SLCO3A1: variants seen among roughly 807,000 people sequenced by gnomAD.
The protein encoded by SLCO3A1 is PGE1 transporter.
SLCO3A1 carries 27 observed loss-of-function variants against 63.1 expected under a neutral mutation model. The observed-to-expected ratio is 0.43, with a 90% CI of 0.32 to 0.59. SLCO3A1 has a LOEUF of 0.59. Ranked by LOEUF, SLCO3A1 falls within the 20% of genes least tolerant of loss-of-function variation. The pLI, the probability that SLCO3A1 is intolerant of heterozygous loss-of-function variation, is 0.09. For synonymous variants in SLCO3A1, 473 were observed against 409.9 expected (o/e 1.15, Z -1.86); for missense variants, 773 against 945.8 (o/e 0.82, Z 2.40).
rs928453425 is a variant in SLCO3A1 at position 91,872,586 on chromosome 15, G to T, written c.180+18498G>T. Among the ~76,000 whole-genome samples, 2 of 151,976 alleles carry T rather than the reference G, an allele frequency of 1.3e-5. No homozygotes were observed. The highest frequency in any genetic ancestry group is 2.9e-5 in the Non-Finnish European group (2 of 68,014). ...AAAGAAAGAACGTGCCCAAGCCCAA[G>T]TTGGCACAGCTAGTGTTTGATCTTG... is the stretch of plus-strand genomic sequence containing the variant. On this transcript the variant is annotated intron_variant, in intron 1 of 9. Transcript: ENST00000318445. The surrounding 1 kb of genome is among the most constrained non-coding windows in gnomAD (Gnocchi z 4.1).
intron 1 of SLCO3A1, among the ~76,000 whole-genome samples, chr15:91,899,408 G>A (rs751669834): frequency 1.8e-4 from 28 of 152,014 alleles, no homozygotes; most frequent in Non-Finnish European, 2.2e-4. Flanking sequence ...CTTATTGAGT[G>A]GTCTCTACTT....
intron 4 of SLCO3A1, among the ~76,000 whole-genome samples, chr15:92,105,195 T>A (rs2151546585): frequency 6.6e-6 from 1 of 152,094 alleles, no homozygotes; most frequent in African/African-American, 2.4e-5. Flanking sequence ...GATCCTGGGT[T>A]CAAGCTCACC....
chr15:92,130,035 T>C (rs988569187), intron 7 of SLCO3A1, among the ~76,000 whole-genome samples: 81 of 152,358 alleles, frequency 5.3e-4, no homozygotes, highest in African/African-American at 1.9e-3. Flanking sequence ...AACATTTTAA[T>C]ATCCAGAAAG....
In SLCO3A1 at chr15:92,126,404, G is replaced by A. The variant is rs564411977; in HGVS notation, c.1373+145G>A. On this transcript the variant is annotated intron_variant, in intron 6 of 9. Coordinates refer to ENST00000318445, the MANE Select transcript of SLCO3A1 (RefSeq NM_013272.4). ...GCCTCTGCATCTTACTGTCCACGTTGGAGAATCAGTAGAACCCTCTGGGCT... is the reference window on the plus strand; with the variant it reads ...GCCTCTGCATCTTACTGTCCACGTTAGAGAATCAGTAGAACCCTCTGGGCT... The A allele has an allele frequency of 2.0e-5, 13 of 659,220 alleles. No homozygotes were observed. In the South Asian group the frequency reaches 2.4e-4, roughly 12 times the overall value. 40.8% of individuals were successfully genotyped at this position (659,220 alleles called of 1,614,324 possible).
In SLCO3A1 at chr15:92,126,071, G is replaced by T; in HGVS notation, c.1185G>T (p.Ala395=). 3 of 1,613,716 alleles carry T rather than the reference G, an allele frequency of 1.9e-6. No individual in the cohort carries two copies. Among genetic ancestry groups the T allele is most frequent in the Non-Finnish European group, 1.7e-6 (2 of 1,179,936 alleles). Residue 395 remains alanine, a synonymous_variant, in exon 6 of 10, where the codon GCG becomes GCT. Coordinates refer to ENST00000318445, the MANE Select transcript of SLCO3A1 (RefSeq NM_013272.4). Reference sequence around the variant, plus strand: ...CTATTTTCCTTCCAGGGATGACTGCGATCCCGTGTGCTTGTCTGGGTATCT... The same window carrying T: ...CTATTTTCCTTCCAGGGATGACTGCTATCCCGTGTGCTTGTCTGGGTATCT... The part of the protein sequence containing the change: ...SSANQLLGMT[A]IPCACLGIFL...
At chr15:92,044,291 C>T (rs144163149) in intron 2 of SLCO3A1, among the ~76,000 whole-genome samples, 100 of 152,236 alleles carry the variant, frequency 6.6e-4, no homozygotes, top group African/African-American at 2.3e-3. Context: ...GTGTACCCCC[C>T]GAAACCAATT....
chr15:92,104,596 G>T, intron 4 of SLCO3A1, 54 bp downstream of exon 4: 1 of 1,566,864 alleles, frequency 6.4e-7, no homozygotes, highest in South Asian at 1.2e-5. Flanking sequence ...TTGGGATGGG[G>T]GTGATGAATG....
At chr15:91,874,487 T>C (rs376862130) in intron 1 of SLCO3A1, among the ~76,000 whole-genome samples, 1 of 152,218 alleles carries the variant, frequency 6.6e-6, no homozygotes, top group African/African-American at 2.4e-5. Context: ...TAGGGCCTCA[T>C]ATACAGTGTT....
At chr15:91,910,840 C>G (rs551406098) in intron 1 of SLCO3A1, among the ~76,000 whole-genome samples, 1 of 152,196 alleles carries the variant, frequency 6.6e-6, no homozygotes, top group East Asian at 1.9e-4. Flanking sequence ...TGGGAGGACA[C>G]GCACAGGTGT....
In SLCO3A1 at chr15:91,865,686, G is replaced by A. The variant is rs527684485; in HGVS notation, c.180+11598G>A. ...TGCTGTCACATGGTGTTTCCCCCGC[G>A]TCTCTCTCTCTTCTTCTTCTAAGGA... On this transcript the variant is annotated intron_variant, in intron 1 of 9. Transcript: ENST00000318445. The surrounding 1 kb of genome is among the most constrained non-coding windows in gnomAD (Gnocchi z 4.6). 2.0e-5 allele frequency among the ~76,000 whole-genome samples: 3 copies of A among 152,178 alleles called. No individual in the cohort carries two copies. The highest frequency in any genetic ancestry group is 1.9e-4 in the East Asian group (1 of 5,178).
rs1900102510 is a variant in SLCO3A1, at chr15:91,954,452, C to G, written c.646+37994C>G. Among the ~76,000 whole-genome samples the G allele has an allele frequency of 1.3e-5, 2 of 152,192 alleles. No individual in the cohort carries two copies. Among genetic ancestry groups the G allele is most frequent in the South Asian group, 4.1e-4 (2 of 4,836 alleles). ...CCCTCTGCAGTTTCCAGGGGCCCAA[C>G]ATTCAATAAATTGTTGCAGAAGCAA... On this transcript the variant is annotated intron_variant, in intron 2 of 9. Coordinates refer to ENST00000318445, the MANE Select transcript of SLCO3A1 (RefSeq NM_013272.4). This position sits in a 1 kb window ranked among gnomAD's most constrained non-coding sequence, Gnocchi z 4.7.
intron 2 of SLCO3A1, among the ~76,000 whole-genome samples, chr15:91,996,252 C>A (rs2046190446): frequency 6.6e-6 from 1 of 151,850 alleles, no homozygotes; most frequent in African/African-American, 2.4e-5. Flanking sequence ...TGCTAGTAAT[C>A]AAAACCATAA....
chr15:92,015,399 G>A (rs1001824925), intron 2 of SLCO3A1, among the ~76,000 whole-genome samples: 3 of 152,170 alleles, frequency 2.0e-5, no homozygotes, highest in Non-Finnish European at 2.9e-5. Flanking sequence ...TCGCAAGGCA[G>A]CAGAAAGAGA....
At chr15:92,137,133 C>G (rs1364607825) in intron 7 of SLCO3A1, among the ~76,000 whole-genome samples, 1 of 143,104 alleles carries the variant, frequency 7.0e-6, no homozygotes, top group Non-Finnish European at 1.5e-5. Context: ...GTCCCCCCAC[C>G]CCACAGCAGT....
rs1426456761 is a variant in SLCO3A1, at chr15:92,033,722, C to T, written c.647-61159C>T. ...AGAGTAGGTGGTGGCTCGCTGGTGGCAAAAAAGACGGGGATAGGAGTGTTG... is the reference window on the plus strand; with the variant it reads ...AGAGTAGGTGGTGGCTCGCTGGTGGTAAAAAAGACGGGGATAGGAGTGTTG... On this transcript the variant is annotated intron_variant, in intron 2 of 9. Coordinates refer to ENST00000318445, the MANE Select transcript of SLCO3A1 (RefSeq NM_013272.4). The surrounding 1 kb of genome is among the most constrained non-coding windows in gnomAD (Gnocchi z 4.5). 6.6e-6 allele frequency among the ~76,000 whole-genome samples: 1 copy of T among 151,940 alleles called. No homozygotes were observed. Among genetic ancestry groups the T allele is most frequent in the East Asian group, 1.9e-4 (1 of 5,184 alleles).
intron 2 of SLCO3A1, among the ~76,000 whole-genome samples, chr15:91,963,735 G>C (rs55761412): frequency 6.6e-6 from 1 of 151,974 alleles, no homozygotes; most frequent in Non-Finnish European, 1.5e-5. Flanking sequence ...TCGTGGTCTC[G>C]CTGACTTCAG....
rs539399147 is a variant in SLCO3A1, at chr15:92,131,620, G to A, written c.1512+3131G>A. Among the ~76,000 whole-genome samples the A allele has an allele frequency of 9.0e-5, 13 of 145,166 alleles. 2 individuals carry two copies. In the South Asian group the frequency reaches 2.0e-3, roughly 22 times the overall value. ...TGACCTCAAGTGATCCACCCGTCTC[G>A]GCCTCCCAAAGTGCTGGGATTACAA... On this transcript the variant is annotated intron_variant, in intron 7 of 9. Transcript: ENST00000318445.
chr15:92,154,782 CAGGAGAGTGGA>C (rs928064545), intron 9 of SLCO3A1, among the ~76,000 whole-genome samples: 2 of 151,804 alleles, frequency 1.3e-5, no homozygotes, highest in African/African-American at 2.4e-5. Context: ...AGGAGTGTGG[CAGGAGAGTGGA>C]GCCAAAGAAG....
intron 2 of SLCO3A1, among the ~76,000 whole-genome samples, chr15:92,040,179 C>T (rs1009967622): frequency 1.3e-5 from 2 of 152,124 alleles, no homozygotes; most frequent in African/African-American, 4.8e-5. Flanking sequence ...CAAACCTACA[C>T]GTTCTGCACT....
Sources: gnomAD v4.1 joint callset for allele counts (sites outside exome capture counted in the v4.1 genomes callset) on GRCh38, gnomAD v4.1.1 for gene constraint, Gnocchi (gnomAD v3.1) non-coding constraint, MANE v1.5 for transcripts, NCBI Gene and HGNC (gene_info 2026-07-23, HGNC 2026-07-21) for gene names.